Variants in DCC observed in about 807,000 individuals in gnomAD.
DCC encodes DCC netrin 1 receptor.
A neutral mutation model predicts 172.5 loss-of-function variants in DCC; 58 were observed. The ratio of observed to expected loss-of-function variants is 0.34; its 90% CI spans 0.27 to 0.42. DCC has a LOEUF of 0.42. DCC is among the 10% of genes least tolerant of loss of function. The pLI, the probability that DCC is intolerant of heterozygous loss-of-function variation, is 1.00. For synonymous variants in DCC, 709 were observed against 644.5 expected, an observed-to-expected ratio of 1.10 and a Z score of -1.52; for missense variants, 1,740 against 1,791.0, an observed-to-expected ratio of 0.97 and a Z score of 0.51.
At chr18:53,416,088 CAA>C in intron 20 of DCC, 34 bp from the exon 21 acceptor site, 1 of 1,562,158 alleles carries the variant, frequency 6.4e-7, no homozygotes, top group Non-Finnish European at 8.8e-7. Context: ...TAGGAACTGT[CAA>C]AGTCTAATAA....
chr18:53,265,356 C>A (rs1041787649), intron 12 of DCC, among the ~76,000 whole-genome samples: 1 of 152,078 alleles, frequency 6.6e-6, no homozygotes, highest in African/African-American at 2.4e-5. Context: ...TAAATAATTT[C>A]TAGGTGATGA....
At chr18:53,528,036 T>C (rs185051237) in intron 28 of DCC, among the ~76,000 whole-genome samples, 80 of 152,114 alleles carry the variant, frequency 5.3e-4, no homozygotes, top group African/African-American at 1.8e-3. Context: ...AAATAATGTA[T>C]TGAAAAATAA....
chr18:52,380,883 C>G (rs963111452), intron 1 of DCC, among the ~76,000 whole-genome samples: 115 of 152,210 alleles, frequency 7.6e-4, no homozygotes, highest in African/African-American at 2.6e-3. Context: ...ATGAAAGATT[C>G]TTCTTTAGTC....
intron 5 of DCC, among the ~76,000 whole-genome samples, chr18:52,939,285 CA>C (rs1375133281): frequency 6.6e-6 from 1 of 152,144 alleles, no homozygotes; most frequent in African/African-American, 2.4e-5. Flanking sequence ...GATCATAGCC[CA>C]AATGCTACCT....
At chr18:53,178,563 A>T (rs940401103) in intron 8 of DCC, among the ~76,000 whole-genome samples, 3 of 152,178 alleles carry the variant, frequency 2.0e-5, no homozygotes, top group African/African-American at 7.2e-5. Context: ...CGATTTGTGG[A>T]ATAATTGAAA....
chr18:52,934,883 C>G (rs2040359173), intron 5 of DCC: 1 of 152,236 alleles, frequency 6.6e-6, no homozygotes, highest in Admixed American at 6.6e-5. Flanking sequence ...TAGAAGCCAA[C>G]TTTGCTGGTA....
In DCC at chr18:53,215,571, G is replaced by C; in HGVS notation, c.1885G>C (p.Val629Leu). The stretch of plus-strand genomic sequence containing the variant: ...AGTGCCAAGTGCCCCGCCTCAGAAC[G>C]TCTCCCTGGAAGTGGTCAATTCAAG... The part of the protein sequence containing the change: ...SDVPSAPPQN[V>L]SLEVVNSRSI... The change falls in exon 12 of 29, where the codon GTC becomes CTC. Residue 629 changes from valine to leucine, a missense_variant. By Grantham distance (32) the Val-to-Leu change is conservative. This residue lies in a region of DCC where 1,732 missense variants were observed against 1,767.4 expected (regional missense o/e 0.98). Coordinates refer to ENST00000442544, the MANE Select transcript of DCC (RefSeq NM_005215.4). The C allele has an allele frequency of 6.2e-7, 1 of 1,613,818 alleles. No homozygotes were observed. Among genetic ancestry groups the C allele is most frequent in the Non-Finnish European group, 8.5e-7 (1 of 1,179,768 alleles).
chr18:53,458,784 T>G (rs547437788), intron 23 of DCC, among the ~76,000 whole-genome samples: 1 of 152,340 alleles, frequency 6.6e-6, no homozygotes, highest in South Asian at 2.1e-4. Flanking sequence ...GGTATAGACT[T>G]TCTTCTAAGA....
At chr18:52,865,611 C>CTTT (rs552284612) in intron 2 of DCC, among the ~76,000 whole-genome samples, 4 of 144,886 alleles carry the variant, frequency 2.8e-5, no homozygotes, top group Non-Finnish European at 6.1e-5. Flanking sequence ...TGATGATGAG[C>CTTT]TTTTTTTTTT....
chr18:53,174,383 A>G (rs1371451079), intron 8 of DCC, among the ~76,000 whole-genome samples: 1 of 151,728 alleles, frequency 6.6e-6, no homozygotes, highest in African/African-American at 2.4e-5. Flanking sequence ...AAATTAATCC[A>G]GGAGCTGGTT....
intron 12 of DCC, among the ~76,000 whole-genome samples, chr18:53,243,894 G>A (rs768501888): frequency 4.6e-5 from 7 of 151,944 alleles, no homozygotes; most frequent in Admixed American, 6.6e-5. Context: ...AAATCTTCTC[G>A]TTAGCCAAAA....
intron 5 of DCC, among the ~76,000 whole-genome samples, chr18:52,972,517 CTTT>C (rs34383367): frequency 0.016 from 2,173 of 138,760 alleles, 52 homozygotes; most frequent in African/African-American, 0.051. Context: ...AAATTTCTTG[CTTT>C]TTTTTTTTTT....
intron 25 of DCC, among the ~76,000 whole-genome samples, chr18:53,478,534 C>T (rs1169592395): frequency 6.6e-6 from 1 of 152,030 alleles, no homozygotes; most frequent in South Asian, 2.1e-4. Flanking sequence ...TTGTCACTTA[C>T]CTTTCTCTGT....
chr18:52,712,794 G>A (rs2036315488), intron 1 of DCC, among the ~76,000 whole-genome samples: 1 of 152,194 alleles, frequency 6.6e-6, no homozygotes, highest in African/African-American at 2.4e-5. Context: ...AAACCTGGAA[G>A]CAAATTGCCT....
At chr18:53,310,603 G>A (rs925268372) in intron 13 of DCC, among the ~76,000 whole-genome samples, 18 of 151,902 alleles carry the variant, frequency 1.2e-4, no homozygotes, top group African/African-American at 3.4e-4. Flanking sequence ...ATTTTAAAAC[G>A]TTTTTAATTT....
At chr18:53,214,091 T>C (rs2144575511) in intron 11 of DCC, among the ~76,000 whole-genome samples, 1 of 152,224 alleles carries the variant, frequency 6.6e-6, no homozygotes, top group Non-Finnish European at 1.5e-5. Flanking sequence ...GGTTACATTC[T>C]GTATTTAATT....
intron 15 of DCC, among the ~76,000 whole-genome samples, chr18:53,351,358 ATATATATACTG>A (rs2057799913): frequency 8.1e-5 from 7 of 86,408 alleles, no homozygotes; most frequent in East Asian, 2.6e-4. Context: ...TACACAGTAT[ATATATATACTG>A]TATATATATA....
chr18:52,843,052 AG>A (rs2038832106), intron 2 of DCC, among the ~76,000 whole-genome samples: 1 of 152,170 alleles, frequency 6.6e-6, no homozygotes, highest in Non-Finnish European at 1.5e-5. Context: ...TTCATGTGTA[AG>A]GTCAGGATTT....
chr18:53,293,674 C>T (rs921131318), intron 12 of DCC, among the ~76,000 whole-genome samples: 1 of 152,030 alleles, frequency 6.6e-6, no homozygotes, highest in Non-Finnish European at 1.5e-5. Flanking sequence ...CTTTTTGTGT[C>T]CAAGGATCAC....
Sources: gnomAD v4.1 joint callset for allele counts (sites outside exome capture counted in the v4.1 genomes callset) on GRCh38, gnomAD v4.1.1 for gene constraint, gnomAD v4.1.1 regional missense constraint, MANE v1.5 for transcripts, NCBI Gene and HGNC (gene_info 2026-07-23, HGNC 2026-07-21) for gene names.